Variants in GRID1 observed in about 807,000 individuals in gnomAD.
The protein encoded by GRID1 is glutamate receptor ionotropic, delta-1.
GRID1 carries 28 observed loss-of-function variants against 98.0 expected under a neutral mutation model. That is an observed-to-expected ratio of 0.29 (90% CI 0.21 to 0.39). GRID1 has a LOEUF of 0.39. Among genes scored for constraint, GRID1 ranks in the 10% least tolerant of loss-of-function variants. The pLI is 1.00. For synonymous variants in GRID1, 553 were observed against 538.5 expected, an observed-to-expected ratio of 1.03 and a Z score of -0.37; for missense variants, 1,111 against 1,340.5, an observed-to-expected ratio of 0.83 and a Z score of 2.67.
At chr10:85,793,897 T>G (rs1463887404) in intron 8 of GRID1, among the ~76,000 whole-genome samples, 1 of 152,200 alleles carries the variant, frequency 6.6e-6, no homozygotes, top group Non-Finnish European at 1.5e-5. Flanking sequence ...ACAAAAGCCC[T>G]GCATTAAATG....
intron 4 of GRID1, among the ~76,000 whole-genome samples, chr10:86,117,116 T>TACCACAATCAGCAATACTACCACCATC: frequency 7.0e-6 from 1 of 143,390 alleles, no homozygotes; most frequent in Non-Finnish European, 1.5e-5. Context: ...CCACCACCAT[T>TACCACAATCAGCAATACTACCACCATC]ACCACAATCA....
At chr10:85,982,256 T>C (rs1842553673) in intron 4 of GRID1, among the ~76,000 whole-genome samples, 3 of 152,010 alleles carry the variant, frequency 2.0e-5, no homozygotes, top group Non-Finnish European at 2.9e-5. Context: ...TACTTGGCTA[T>C]ACAGTAGCCA....
intron 4 of GRID1, among the ~76,000 whole-genome samples, chr10:85,987,605 C>T (rs1398983313): frequency 2.0e-5 from 3 of 149,030 alleles, no homozygotes; most frequent in Non-Finnish European, 4.5e-5. Flanking sequence ...CCTGCCTTAC[C>T]TGCTCCTACC....
At chr10:86,196,041 C>A (rs1024293078) in intron 3 of GRID1, among the ~76,000 whole-genome samples, 3 of 152,058 alleles carry the variant, frequency 2.0e-5, no homozygotes, top group African/African-American at 7.2e-5. Context: ...AACCCTATGA[C>A]AGACACGACA....
intron 5 of GRID1, among the ~76,000 whole-genome samples, chr10:85,909,088 TAAG>T (rs1841501254): frequency 6.6e-6 from 1 of 152,032 alleles, no homozygotes; most frequent in Non-Finnish European, 1.5e-5. Context: ...AACTCAATAA[TAAG>T]AAAACAAAAA....
chr10:85,696,910 G>A (rs1841401120), intron 12 of GRID1, among the ~76,000 whole-genome samples: 1 of 151,842 alleles, frequency 6.6e-6, no homozygotes, highest in Non-Finnish European at 1.5e-5. Context: ...GCTACATTAT[G>A]TTAGTTATAT....
chr10:85,874,897 G>A (rs1410935621), intron 5 of GRID1, among the ~76,000 whole-genome samples: 6 of 151,952 alleles, frequency 3.9e-5, no homozygotes, highest in African/African-American at 1.2e-4. Flanking sequence ...ACAGAGTCTC[G>A]TTCTGTCTCC....
chr10:85,916,476 T>TA lies in GRID1; in HGVS notation c.727-238dup, dbSNP rs546808814. Among the ~76,000 whole-genome samples the TA allele has an allele frequency of 9.8e-5, 15 of 152,330 alleles. No individual in the cohort carries two copies. In the Middle Eastern group the frequency reaches 0.01, roughly 104 times the overall value. On this transcript the variant is annotated intron_variant, in intron 4 of 15. Coordinates refer to ENST00000327946, the MANE Select transcript of GRID1 (RefSeq NM_017551.3). This position sits in a 1 kb window ranked among gnomAD's most constrained non-coding sequence, Gnocchi z 4.0. The stretch of plus-strand genomic sequence containing the variant: ...CTCCTGCACCAGCCCAGAGCAAGAT[T>TA]AGACGCTTGGGTTCCTGCAGGCAGC...
chr10:85,948,631 GAC>G (rs1168716886), intron 4 of GRID1, among the ~76,000 whole-genome samples: 1 of 152,166 alleles, frequency 6.6e-6, no homozygotes, highest in Non-Finnish European at 1.5e-5. Flanking sequence ...GCTGTAAATT[GAC>G]ACAGAAATTT....
intron 3 of GRID1, among the ~76,000 whole-genome samples, chr10:86,202,952 G>A (rs905953264): frequency 6.6e-6 from 1 of 152,200 alleles, no homozygotes; most frequent in Non-Finnish European, 1.5e-5. Flanking sequence ...GACAGGAGCA[G>A]GAAGCTAGAG....
chr10:85,794,269 G>A (rs1201504916), intron 8 of GRID1, among the ~76,000 whole-genome samples: 1 of 152,158 alleles, frequency 6.6e-6, no homozygotes, highest in Non-Finnish European at 1.5e-5. Context: ...TGCTTAATAT[G>A]ATCAGTAACC....
chr10:86,124,223 A>G (rs1195363765), intron 4 of GRID1, among the ~76,000 whole-genome samples: 2 of 152,192 alleles, frequency 1.3e-5, no homozygotes, highest in Non-Finnish European at 2.9e-5. Flanking sequence ...ACAAACCTCC[A>G]GTGACTTCCT....
At chr10:85,775,040 G>A (rs1002921789) in intron 8 of GRID1, among the ~76,000 whole-genome samples, 2 of 152,088 alleles carry the variant, frequency 1.3e-5, no homozygotes, top group Admixed American at 6.5e-5. Flanking sequence ...TGTTTATTGA[G>A]GCACTATTCA....
intron 10 of GRID1, 31 bp from the exon 11 acceptor site, chr10:85,724,707 C>A: frequency 6.4e-7 from 1 of 1,568,072 alleles, no homozygotes; most frequent in Non-Finnish European, 8.7e-7. Context: ...ATTTAGACGG[C>A]AGTCCTCAGC....
chr10:85,731,428 G>C (rs1328507325), intron 8 of GRID1, among the ~76,000 whole-genome samples: 1 of 149,184 alleles, frequency 6.7e-6, no homozygotes, highest in African/African-American at 2.5e-5. Context: ...AGACCTCGAA[G>C]ATACCAAAAT....
intron 8 of GRID1, among the ~76,000 whole-genome samples, chr10:85,741,744 C>A (rs1841945157): frequency 6.6e-6 from 1 of 152,124 alleles, no homozygotes; most frequent in Non-Finnish European, 1.5e-5. Context: ...TCCTCCTTTT[C>A]ATGGCCTGTA....
chr10:86,270,242 T>A (rs1298507175), intron 2 of GRID1, among the ~76,000 whole-genome samples: 3 of 152,182 alleles, frequency 2.0e-5, no homozygotes, highest in Non-Finnish European at 4.4e-5. Context: ...CAGTACCCAC[T>A]GCAGCCTGGC....
chr10:85,843,994 T>C (rs1038685199), intron 8 of GRID1, among the ~76,000 whole-genome samples: 4 of 152,114 alleles, frequency 2.6e-5, no homozygotes, highest in African/African-American at 9.6e-5. Flanking sequence ...ATAACTGCCC[T>C]AACTGCAAAT....
chr10:86,007,113 C>T lies in GRID1; in HGVS notation c.727-90874G>A, dbSNP rs117667612. Among the ~76,000 whole-genome samples the T allele has an allele frequency of 6.1e-3, 932 of 152,228 alleles. 5 individuals carry two copies. Among genetic ancestry groups the T allele is most frequent in the Non-Finnish European group, 0.01 (703 of 67,994 alleles). On this transcript the variant is annotated intron_variant, in intron 4 of 15. Coordinates refer to ENST00000327946, the MANE Select transcript of GRID1 (RefSeq NM_017551.3). ...TGGTGGACTTTAATTTAAATAGGTA[C>T]AGAAGAGCTTGTGTGCTCAAAATTT...
Sources: allele counts gnomAD v4.1 joint callset (sites outside exome capture counted in the v4.1 genomes callset), GRCh38; gene constraint gnomAD v4.1.1; non-coding constraint Gnocchi (gnomAD v3.1); transcripts MANE v1.5; gene names NCBI Gene and HGNC (gene_info 2026-07-23, HGNC 2026-07-21).